The following TEK variants were observed in gnomAD, a reference collection of about 807,000 sequenced individuals.
TEK encodes the protein TEK receptor tyrosine kinase.
In TEK, 43 loss-of-function variants were observed where a neutral mutation model predicts 131.8. That is an observed-to-expected ratio of 0.33 (90% CI 0.26 to 0.42). The LOEUF (loss-of-function observed/expected upper bound fraction) is 0.42, where lower values mean the gene tolerates loss of function less well. Ranked by LOEUF, TEK falls within the 10% of genes least tolerant of loss-of-function variation. The pLI is 1.00. For synonymous variants in TEK, 580 were observed against 491.6 expected, an observed-to-expected ratio of 1.18 and a Z score of -2.38; for missense variants, 1,162 against 1,384.4, an observed-to-expected ratio of 0.84 and a Z score of 2.55.
In TEK at chr9:27,148,608, G is replaced by A. The variant is rs140123671; in HGVS notation, c.53-9223G>A. On this transcript the variant is annotated intron_variant, in intron 1 of 22. Coordinates refer to ENST00000380036, the MANE Select transcript of TEK (RefSeq NM_000459.5). ...TTCAAGCCTCTGCTTATGCCACATT[G>A]GCTAATCCTCCATTGATCAAAAGAA... Among the ~76,000 whole-genome samples, 482 of 152,250 alleles carry A rather than the reference G, an allele frequency of 3.2e-3. 2 individuals carry two copies. Among genetic ancestry groups the A allele is most frequent in the Non-Finnish European group, 3.1e-3 (214 of 68,024 alleles).
At chr9:27,212,038 CAATG>C (rs1285204327) in intron 16 of TEK, among the ~76,000 whole-genome samples, 1 of 148,846 alleles carries the variant, frequency 6.7e-6, no homozygotes, top group Non-Finnish European at 1.5e-5. Context: ...AAAAAAGTGA[CAATG>C]AACCATAAGT....
chr9:27,111,581 C>T (rs559722231), intron 1 of TEK, among the ~76,000 whole-genome samples: 59 of 149,818 alleles, frequency 3.9e-4, no homozygotes, highest in African/African-American at 1.4e-3. Flanking sequence ...CTCTGGATGA[C>T]AGAGTTGTTT....
At chr9:27,161,037 G>A (rs1178763064) in intron 2 of TEK, among the ~76,000 whole-genome samples, 3 of 152,212 alleles carry the variant, frequency 2.0e-5, no homozygotes, top group African/African-American at 7.2e-5. Flanking sequence ...GTGCCACTGT[G>A]TCCTTGCTGT....
chr9:27,228,196 G>A lies in TEK; in HGVS notation c.3201-10G>A. On this transcript the variant is annotated splice_polypyrimidine_tract_variant and intron_variant, in intron 21 of 22. Coordinates refer to ENST00000380036, the MANE Select transcript of TEK (RefSeq NM_000459.5). ...TATAGAATTAACCCTTTAATTCTTT[G>A]CTTTCGAAGGTATGATCTAATGAGA... 1.2e-6 allele frequency: 2 copies of A among 1,608,634 alleles called. No homozygotes were observed. Among genetic ancestry groups the A allele is most frequent in the Non-Finnish European group, 1.7e-6 (2 of 1,175,516 alleles).
intron 9 of TEK, among the ~76,000 whole-genome samples, chr9:27,188,069 G>T (rs183123617): frequency 6.6e-6 from 1 of 152,228 alleles, no homozygotes; most frequent in East Asian, 1.9e-4. Flanking sequence ...GCAACAGTAT[G>T]GATGAATCTT....
intron 16 of TEK, chr9:27,210,259 ACACACACACACACATAC>A (rs1825555309): frequency 1.2e-5 from 1 of 82,938 alleles, no homozygotes; most frequent in Admixed American, 1.5e-4. Context: ...AATGAAAGTT[ACACACACACACACATAC>A]CACACACACA....
intron 21 of TEK, among the ~76,000 whole-genome samples, chr9:27,223,501 C>G (rs1273680963): frequency 6.6e-6 from 1 of 152,162 alleles, no homozygotes; most frequent in Admixed American, 6.6e-5. Context: ...ACTGAACAAC[C>G]TGCTCCTGAA....
At chr9:27,162,404 C>T (rs909786018) in intron 2 of TEK, among the ~76,000 whole-genome samples, 1 of 152,174 alleles carries the variant, frequency 6.6e-6, no homozygotes, top group Non-Finnish European at 1.5e-5. Context: ...AAATAGTCAA[C>T]AGCAGTTTGA....
chr9:27,210,599 G>A (rs1251125714), intron 16 of TEK: 1 of 155,802 alleles, frequency 6.4e-6, no homozygotes, highest in Non-Finnish European at 1.4e-5. Flanking sequence ...GAGATAAGAA[G>A]AGAAATGGCC....
intron 20 of TEK, 108 bp from the exon 21 acceptor site, chr9:27,219,941 C>T: frequency 8.6e-7 from 1 of 1,159,880 alleles, no homozygotes; most frequent in Non-Finnish European, 1.3e-6. Context: ...CTCACCCTCT[C>T]TTGCCATACC....
chr9:27,224,640 A>T (rs1826235112), intron 21 of TEK, among the ~76,000 whole-genome samples: 1 of 152,216 alleles, frequency 6.6e-6, no homozygotes, highest in South Asian at 2.1e-4. Flanking sequence ...ACAAACCCAC[A>T]GCCAGTATCA....
At position 27,220,121 on chromosome 9, in the gene TEK, A is replaced by T; in HGVS notation, c.3176A>T (p.Lys1059Met). 6.2e-7 allele frequency: 1 copy of T among 1,614,008 alleles called. No homozygotes were observed. Among genetic ancestry groups the T allele is most frequent in the Non-Finnish European group, 8.5e-7 (1 of 1,179,976 alleles). ...EKLPQGYRLE[K>M]PLNCDDEVYD... is the part of the protein sequence containing the mutation. ...CTGCCCCAGGGCTACAGACTGGAGAAGCCCCTGAACTGTGATGATGAGGTG... is the reference window on the plus strand; with the variant it reads ...CTGCCCCAGGGCTACAGACTGGAGATGCCCCTGAACTGTGATGATGAGGTG... Residue 1059 changes from lysine (K) to methionine (M), a missense_variant, in exon 21 of 23, where the codon AAG becomes ATG. By Grantham distance (95) the Lys-to-Met change is moderately conservative. Transcript: ENST00000380036.
intron 1 of TEK, among the ~76,000 whole-genome samples, chr9:27,143,841 C>T (rs188829554): frequency 6.6e-6 from 1 of 152,140 alleles, no homozygotes; most frequent in African/African-American, 2.4e-5. Flanking sequence ...TAAGACATAA[C>T]CCCTTCCATG....
intron 19 of TEK, among the ~76,000 whole-genome samples, chr9:27,218,137 G>GGGA (rs1825895208): frequency 6.7e-6 from 1 of 150,098 alleles, no homozygotes; most frequent in Admixed American, 6.6e-5. Flanking sequence ...CAGTGGCGGG[G>GGGA]GTCGTCTCTG....
At chr9:27,123,808 A>G (rs1406024233) in intron 1 of TEK, among the ~76,000 whole-genome samples, 2 of 146,516 alleles carry the variant, frequency 1.4e-5, no homozygotes, top group African/African-American at 4.9e-5. Context: ...AGATAGTCTC[A>G]CTGTGTCACC....
intron 21 of TEK, among the ~76,000 whole-genome samples, chr9:27,224,610 A>C (rs1826232497): frequency 1.3e-5 from 2 of 152,168 alleles, no homozygotes; most frequent in African/African-American, 4.8e-5. Flanking sequence ...CGTATCTCAA[A>C]ATATTAAGAG....
At chr9:27,151,331 A>C (rs1288766457) in intron 1 of TEK, among the ~76,000 whole-genome samples, 1 of 152,312 alleles carries the variant, frequency 6.6e-6, no homozygotes, top group Non-Finnish European at 1.5e-5. Flanking sequence ...AAGGGTTGAC[A>C]CAGAGGAATA....
intron 21 of TEK, among the ~76,000 whole-genome samples, chr9:27,221,545 C>T (rs1043495921): frequency 1.3e-5 from 2 of 152,190 alleles, no homozygotes; most frequent in Non-Finnish European, 2.9e-5. Flanking sequence ...TGGCATCTGG[C>T]AGGTGCCCCT....
Position 27,109,640 on chromosome 9 carries a change from C to T in TEK, c.50C>T (p.Ser17Phe), listed in dbSNP as rs149096702. 6.2e-7 allele frequency: 1 copy of T among 1,613,968 alleles called. No individual in the cohort carries two copies. Among genetic ancestry groups the T allele is most frequent in the Non-Finnish European group, 8.5e-7 (1 of 1,179,990 alleles). ...CTCTGTGGAGTCAGCTTGCTCCTTTCTGGTAAGGTTTGGCTTTATTTTTTT... is the reference window on the plus strand; with the variant it reads ...CTCTGTGGAGTCAGCTTGCTCCTTTTTGGTAAGGTTTGGCTTTATTTTTTT... ...LVLCGVSLLL[S>F]GTVEGAMDLI... Residue 17 changes from serine to phenylalanine, a missense_variant and splice_region_variant, in exon 1 of 23, where the codon TCT becomes TTT. Transcript: ENST00000380036.
Sources: gnomAD v4.1 joint callset for allele counts (sites outside exome capture counted in the v4.1 genomes callset) on GRCh38, gnomAD v4.1.1 for gene constraint, MANE v1.5 for transcripts, NCBI Gene and HGNC (gene_info 2026-07-23, HGNC 2026-07-21) for gene names.